The following MTUS2 variants were observed in gnomAD, a reference collection of about 807,000 sequenced individuals.
The protein encoded by MTUS2 is microtubule-associated tumor suppressor candidate 2.
A neutral mutation model predicts 114.1 loss-of-function variants in MTUS2; 40 were observed. The ratio of observed to expected loss-of-function variants is 0.35; its 90% CI spans 0.27 to 0.46. The LOEUF is 0.46. Ranked by LOEUF, MTUS2 falls within the 20% of genes least tolerant of loss-of-function variation. The pLI, the probability that MTUS2 is intolerant of heterozygous loss-of-function variation, is 1.00. For synonymous variants in MTUS2, 688 were observed against 672.0 expected (o/e 1.02, Z -0.37); for missense variants, 1,679 against 1,705.4 (o/e 0.98, Z 0.27).
chr13:28,822,780 C>A (rs1372171266), intron 1 of MTUS2, among the ~76,000 whole-genome samples: 1 of 152,132 alleles, frequency 6.6e-6, no homozygotes, highest in Non-Finnish European at 1.5e-5. Context: ...CTGAATCTAT[C>A]CCTGTCTTCA....
At chr13:29,241,670 A>G (rs1028160020) in intron 5 of MTUS2, among the ~76,000 whole-genome samples, 2 of 152,302 alleles carry the variant, frequency 1.3e-5, no homozygotes, top group South Asian at 2.1e-4. Context: ...AAGTTCATCA[A>G]GGGTTTCTTG....
At chr13:29,226,793 C>T (rs557083634) in intron 5 of MTUS2, among the ~76,000 whole-genome samples, 1 of 152,214 alleles carries the variant, frequency 6.6e-6, no homozygotes, top group South Asian at 2.1e-4. Context: ...TAATCAATAG[C>T]CATACATGTA....
At position 28,978,031 on chromosome 13, in the gene MTUS2, T is replaced by C. The variant is rs150962880; in HGVS notation, c.-242-46426T>C. Among the ~76,000 whole-genome samples the C allele has an allele frequency of 5.9e-3, 895 of 152,332 alleles. 10 individuals are homozygous for C. Among genetic ancestry groups the C allele is most frequent in the African/African-American group, 0.02 (850 of 41,576 alleles). On this transcript the variant is annotated intron_variant, in intron 2 of 15. Transcript: ENST00000612955. ...GAAAAATGACTTATAATTACAGTAC[T>C]GCACAAAGTACATGACATTGCTCTT...
chr13:28,889,740 A>G (rs1356613139), intron 2 of MTUS2, among the ~76,000 whole-genome samples: 1 of 152,190 alleles, frequency 6.6e-6, no homozygotes, highest in Non-Finnish European at 1.5e-5. Flanking sequence ...AAGTGATTCC[A>G]TAATAATCAA....
chr13:29,503,140 T>A lies in MTUS2; in HGVS notation c.4044T>A (p.Ser1348=). Residue 1348 remains serine, a synonymous_variant, in exon 16 of 16, where the codon TCT becomes TCA. Transcript: ENST00000612955. ...GTCCGATTAAACTCTCGCCCACATC[T>A]CCCGTTTACCGCGGCTCCTCCTCGG... ...PTSPIKLSPT[S]PVYRGSSSGP... is the part of the protein sequence containing the mutation. 1 of 1,614,146 alleles carries A rather than the reference T, an allele frequency of 6.2e-7. No individual in the cohort carries two copies. Among genetic ancestry groups the A allele is most frequent in the South Asian group, 1.1e-5 (1 of 91,082 alleles).
intron 5 of MTUS2, among the ~76,000 whole-genome samples, chr13:29,251,889 A>G (rs1897135475): frequency 6.6e-6 from 1 of 152,208 alleles, no homozygotes. Context: ...TAAAGTTGCT[A>G]TGAACACGAG....
chr13:29,110,627 CTCTTT>C (rs1238027985), intron 5 of MTUS2, among the ~76,000 whole-genome samples: 1 of 152,040 alleles, frequency 6.6e-6, no homozygotes, highest in African/African-American at 2.4e-5. Context: ...TTTCTCTTTC[CTCTTT>C]TCTTTGCTTC....
chr13:29,285,949 C>T (rs949652650), intron 6 of MTUS2, among the ~76,000 whole-genome samples: 17 of 152,116 alleles, frequency 1.1e-4, no homozygotes, highest in African/African-American at 4.1e-4. Context: ...TTTGTTTAGA[C>T]AAGTCTCTCT....
At chr13:28,922,355 C>T (rs767503179) in intron 2 of MTUS2, among the ~76,000 whole-genome samples, 8 of 152,168 alleles carry the variant, frequency 5.3e-5, no homozygotes, top group South Asian at 2.1e-4. Context: ...GTGGCCCTGC[C>T]GAGGCCACTG....
rs1472743915 is a variant in MTUS2 at position 29,279,924 on chromosome 13, A to C, written c.2645-1780A>C. The stretch of plus-strand genomic sequence containing the variant: ...AGAAATTTTCATAAACTGTTAAATA[A>C]AAGACTGTGAGAGATTTTGCGCTCA... On this transcript the variant is annotated intron_variant, in intron 5 of 15. Coordinates refer to ENST00000612955, the MANE Select transcript of MTUS2 (RefSeq NM_001033602.4). Among the ~76,000 whole-genome samples the C allele has an allele frequency of 8.5e-5, 13 of 152,368 alleles. No individual in the cohort carries two copies. In the East Asian group the frequency reaches 2.5e-3, roughly 29 times the overall value.
chr13:29,157,011 T>C (rs967061724), intron 5 of MTUS2, among the ~76,000 whole-genome samples: 1 of 152,196 alleles, frequency 6.6e-6, no homozygotes, highest in African/African-American at 2.4e-5. Context: ...CTCTCTGTAT[T>C]CTCCTGTAAC....
intron 4 of MTUS2, among the ~76,000 whole-genome samples, chr13:29,095,925 A>G (rs1332353160): frequency 6.6e-6 from 1 of 151,976 alleles, no homozygotes; most frequent in East Asian, 1.9e-4. Flanking sequence ...TATTATATTT[A>G]TAATAGCTCT....
At chr13:29,382,899 T>C in intron 8 of MTUS2, among the ~76,000 whole-genome samples, 1 of 150,680 alleles carries the variant, frequency 6.6e-6, no homozygotes, top group Non-Finnish European at 1.5e-5. Context: ...AAAAATAGGC[T>C]CAAATGAGAG....
intron 4 of MTUS2, among the ~76,000 whole-genome samples, chr13:29,069,710 C>G (rs1463126079): frequency 2.6e-5 from 4 of 152,334 alleles, no homozygotes; most frequent in East Asian, 3.9e-4. Context: ...TAGCTCAACT[C>G]TACTGGCAAA....
At chr13:29,098,495 C>A (rs9508274) in intron 4 of MTUS2, among the ~76,000 whole-genome samples, 1 of 152,144 alleles carries the variant, frequency 6.6e-6, no homozygotes, top group Non-Finnish European at 1.5e-5. Context: ...CACACACAAA[C>A]ACACAGCCCA....
intron 2 of MTUS2, among the ~76,000 whole-genome samples, chr13:28,932,262 C>T (rs1208203605): frequency 3.9e-5 from 6 of 152,116 alleles, no homozygotes; most frequent in Admixed American, 2.0e-4. Flanking sequence ...TGACCCTGAG[C>T]GTTTGTTTCC....
At chr13:29,133,635 C>T (rs1290791748) in intron 5 of MTUS2, among the ~76,000 whole-genome samples, 2 of 152,174 alleles carry the variant, frequency 1.3e-5, no homozygotes, top group Admixed American at 6.5e-5. Context: ...ATAGTCATGG[C>T]ACCTTGTTAA....
At chr13:29,217,699 T>C (rs1292171163) in intron 5 of MTUS2, among the ~76,000 whole-genome samples, 1 of 152,260 alleles carries the variant, frequency 6.6e-6, no homozygotes, top group African/African-American at 2.4e-5. Flanking sequence ...CTGTAACACA[T>C]GATGCTGTTT....
chr13:29,034,060 C>T lies in MTUS2; in HGVS notation c.2381C>T (p.Ala794Val), dbSNP rs751719260. Residue 794 changes from alanine to valine, a missense_variant, in exon 4 of 16, where the codon GCG becomes GTG. By Grantham distance (64) the Ala-to-Val change is moderately conservative. Transcript: ENST00000612955. Reference protein sequence around the residue: ...RILIASQRSSASAIHPPGPIT... With the variant: ...RILIASQRSSVSAIHPPGPIT... Reference sequence around the variant, plus strand: ...CTGATTGCAAGTCAGAGGTCTTCAGCGAGCGCCATCCACCCACCAGGACCC... The same window carrying T: ...CTGATTGCAAGTCAGAGGTCTTCAGTGAGCGCCATCCACCCACCAGGACCC... 7.4e-6 allele frequency: 12 copies of T among 1,613,964 alleles called. No homozygotes were observed. Among genetic ancestry groups the T allele is most frequent in the African/African-American group, 5.3e-5 (4 of 75,036 alleles).
Sources: gnomAD v4.1 joint callset for allele counts (sites outside exome capture counted in the v4.1 genomes callset) on GRCh38, gnomAD v4.1.1 for gene constraint, MANE v1.5 for transcripts, NCBI Gene and HGNC (gene_info 2026-07-23, HGNC 2026-07-21) for gene names.